The following RBM26 variants were observed in gnomAD, a reference collection of about 807,000 sequenced individuals.
The protein encoded by RBM26 is RNA-binding protein 26.
Under a neutral mutation model 123.6 loss-of-function variants are expected in RBM26, and 30 were observed. The ratio of observed to expected loss-of-function variants is 0.24; its 90% confidence interval spans 0.18 to 0.33. RBM26 has a LOEUF of 0.33. Among genes scored for constraint, RBM26 ranks in the 10% least tolerant of loss-of-function variants. RBM26 has a pLI of 1.00. For synonymous variants in RBM26, 400 were observed against 404.4 expected, an observed-to-expected ratio of 0.99 and a Z score of 0.13; for missense variants, 947 against 1,203.6, an observed-to-expected ratio of 0.79 and a Z score of 3.15.
At chr13:79,399,731 T>C (rs1594768267) in intron 1 of RBM26, among the ~76,000 whole-genome samples, 1 of 152,238 alleles carries the variant, frequency 6.6e-6, no homozygotes, top group East Asian at 1.9e-4. Flanking sequence ...TGCAATCATT[T>C]AGATACGGAG....
chr13:79,397,010 C>T (rs747710892), intron 1 of RBM26, among the ~76,000 whole-genome samples: 18 of 151,854 alleles, frequency 1.2e-4, no homozygotes, highest in Non-Finnish European at 2.2e-4. Context: ...TGAAACCCCA[C>T]CTCTACTAAA....
chr13:79,343,394 G>C (rs2071759145), intron 16 of RBM26, among the ~76,000 whole-genome samples: 1 of 151,850 alleles, frequency 6.6e-6, no homozygotes, highest in South Asian at 2.1e-4. Flanking sequence ...ATTTATTGTA[G>C]GTTTCCTGAA....
At chr13:79,387,103 A>G (rs1336837484) in intron 1 of RBM26, among the ~76,000 whole-genome samples, 2 of 152,150 alleles carry the variant, frequency 1.3e-5, no homozygotes, top group Non-Finnish European at 2.9e-5. Flanking sequence ...AAAATGAGAA[A>G]TTATTATGGA....
intron 1 of RBM26, among the ~76,000 whole-genome samples, chr13:79,379,244 A>T (rs1175352998): frequency 6.6e-6 from 1 of 151,952 alleles, no homozygotes; most frequent in African/African-American, 2.4e-5. Context: ...TGCAATAAAC[A>T]GTATTGAGGC....
chr13:79,404,888 C>T (rs1444156010), intron 1 of RBM26, among the ~76,000 whole-genome samples: 1 of 152,144 alleles, frequency 6.6e-6, no homozygotes, highest in Admixed American at 6.5e-5. Context: ...CAAAGCCTCC[C>T]GTAGTATACA....
At chr13:79,358,867 C>T (rs934631379) in intron 10 of RBM26, among the ~76,000 whole-genome samples, 12 of 151,796 alleles carry the variant, frequency 7.9e-5, no homozygotes, top group Non-Finnish European at 1.3e-4. Flanking sequence ...ACCTCTTTCC[C>T]GCTTTATTTA....
chr13:79,350,584 G>A (rs116669830), intron 14 of RBM26, among the ~76,000 whole-genome samples: 317 of 152,178 alleles, frequency 2.1e-3, no homozygotes, highest in African/African-American at 7.2e-3. Flanking sequence ...CACGAAAATG[G>A]GGTCTCAGGA....
chr13:79,358,007 C>A (rs574931235), intron 11 of RBM26, among the ~76,000 whole-genome samples: 1 of 151,816 alleles, frequency 6.6e-6, no homozygotes, highest in South Asian at 2.1e-4. Flanking sequence ...CTCAACCTCC[C>A]GAGTAGCTGG....
At chr13:79,390,922 A>G (rs946477930) in intron 1 of RBM26, among the ~76,000 whole-genome samples, 6 of 152,232 alleles carry the variant, frequency 3.9e-5, no homozygotes, top group African/African-American at 1.4e-4. Context: ...AGATCAATAT[A>G]TAAAAAGTCT....
intron 18 of RBM26, among the ~76,000 whole-genome samples, chr13:79,337,619 A>T (rs2070664092): frequency 6.6e-6 from 1 of 152,238 alleles, no homozygotes; most frequent in Non-Finnish European, 1.5e-5. Flanking sequence ...GCAGTGTTAA[A>T]TGTTACTTCA....
At chr13:79,351,607 G>C (rs2073237647) in intron 14 of RBM26, among the ~76,000 whole-genome samples, 1 of 150,100 alleles carries the variant, frequency 6.7e-6, no homozygotes, top group African/African-American at 2.5e-5. Context: ...GGGGCGGCGG[G>C]GGGGGAAATG....
intron 20 of RBM26, among the ~76,000 whole-genome samples, chr13:79,330,310 T>C (rs975363093): frequency 6.6e-6 from 1 of 152,130 alleles, no homozygotes; most frequent in Non-Finnish European, 1.5e-5. Context: ...AGGAAAAAAC[T>C]ATGAAAAGTA....
intron 10 of RBM26, 21 bp downstream of exon 10, chr13:79,359,554 C>A: frequency 8.8e-7 from 1 of 1,139,650 alleles, no homozygotes; most frequent in South Asian, 1.3e-5. Context: ...TTATACTCCT[C>A]AATTTTCCTG....
chr13:79,337,672 A>T (rs2138971152), intron 18 of RBM26, among the ~76,000 whole-genome samples: 1 of 152,342 alleles, frequency 6.6e-6, no homozygotes, highest in Admixed American at 6.5e-5. Context: ...TTCACAATAA[A>T]TACATTTTTT....
downstream of RBM26, among the ~76,000 whole-genome samples, chr13:79,316,754 G>A: frequency 6.6e-6 from 1 of 151,644 alleles, no homozygotes; most frequent in East Asian, 1.9e-4. Flanking sequence ...TAAGTAAAAC[G>A]ACAACTCAAC....
intron 13 of RBM26, among the ~76,000 whole-genome samples, chr13:79,353,448 G>A (rs180830183): frequency 3.3e-5 from 5 of 152,230 alleles, no homozygotes; most frequent in Admixed American, 2.6e-4. Context: ...TGTAAACTAA[G>A]AGGTCTGAGC....
Position 79,365,730 on chromosome 13 carries a change from A to C in RBM26, c.1277-12T>G, listed in dbSNP as rs1255348507. ...TGTGTCATATGTATCTGGTAATACA[A>C]AAACTGTAATTAAAAAACAATTATA... On this transcript the variant is annotated splice_polypyrimidine_tract_variant and intron_variant, in intron 8 of 21. Transcript: ENST00000438737. 6.2e-7 allele frequency: 1 copy of C among 1,601,640 alleles called. No homozygotes were observed. Among genetic ancestry groups the C allele is most frequent in the African/African-American group, 1.3e-5 (1 of 74,280 alleles).
chr13:79,393,270 T>C (rs1210341775), intron 1 of RBM26, among the ~76,000 whole-genome samples: 1 of 151,718 alleles, frequency 6.6e-6, no homozygotes, highest in Non-Finnish European at 1.5e-5. Context: ...GAGGTAGGAG[T>C]TAAGAACAAA....
chr13:79,367,406 C>CAAAAA (rs776345304), intron 6 of RBM26, among the ~76,000 whole-genome samples: 23 of 39,650 alleles, frequency 5.8e-4, no homozygotes, highest in South Asian at 1.0e-3. Flanking sequence ...GACTCCATCT[C>CAAAAA]AAAAAAAAAA....
Sources: gnomAD v4.1 joint callset for allele counts (sites outside exome capture counted in the v4.1 genomes callset) on GRCh38, gnomAD v4.1.1 for gene constraint, MANE v1.5 for transcripts, NCBI Gene and HGNC (gene_info 2026-07-23, HGNC 2026-07-21) for gene names.